The following SLC8A1 variants were observed in gnomAD, a reference collection of about 807,000 sequenced individuals.
SLC8A1 encodes sodium/calcium exchanger 1.
SLC8A1 carries 18 observed loss-of-function variants against 68.3 expected under a neutral mutation model. That is an observed-to-expected ratio of 0.26 (90% CI 0.18 to 0.39). The LOEUF (loss-of-function observed/expected upper bound fraction) is 0.39, where lower values mean the gene tolerates loss of function less well. Among genes scored for constraint, SLC8A1 ranks in the 10% least tolerant of loss-of-function variants. SLC8A1 has a pLI of 1.00. For synonymous variants in SLC8A1, 475 were observed against 415.5 expected, an observed-to-expected ratio of 1.14 and a Z score of -1.74; for missense variants, 985 against 1,156.7, an observed-to-expected ratio of 0.85 and a Z score of 2.15.
chr2:40,264,501 C>T (rs1457361248), intron 2 of SLC8A1, among the ~76,000 whole-genome samples: 1 of 152,058 alleles, frequency 6.6e-6, no homozygotes, highest in Non-Finnish European at 1.5e-5. Flanking sequence ...ACATATACAC[C>T]ATGGAATACT....
intron 2 of SLC8A1, among the ~76,000 whole-genome samples, chr2:40,181,271 C>A (rs2049498724): frequency 6.6e-6 from 1 of 152,154 alleles, no homozygotes; most frequent in Admixed American, 6.6e-5. Flanking sequence ...ATTTTCTATA[C>A]TCTAAGTAGC....
At chr2:40,455,541 A>C (rs1702948406), upstream of SLC8A1, among the ~76,000 whole-genome samples, 1 of 138,858 alleles carries the variant, frequency 7.2e-6, no homozygotes, top group African/African-American at 2.7e-5. Context: ...ATTTCTACAT[A>C]AGAAAATGTT....
intron 2 of SLC8A1, among the ~76,000 whole-genome samples, chr2:40,389,700 A>G (rs920423001): frequency 1.3e-5 from 2 of 151,798 alleles, no homozygotes; most frequent in African/African-American, 4.8e-5. Flanking sequence ...TTCCCATGTC[A>G]GTTGTGGGTC....
chr2:40,378,589 C>T (rs10189731), intron 2 of SLC8A1, among the ~76,000 whole-genome samples: 151,665 of 152,220 alleles, frequency 1, 75,560 homozygotes, highest in Middle Eastern at 1. Flanking sequence ...TTGGGAGTTT[C>T]AAACTAGAAC....
chr2:40,433,942 A>G (rs1218246438), intron 1 of SLC8A1, among the ~76,000 whole-genome samples: 1 of 152,166 alleles, frequency 6.6e-6, no homozygotes, highest in African/African-American at 2.4e-5. Context: ...CAAACAGACA[A>G]GCATCAATAA....
chr2:40,232,923 T>C (rs960429438), intron 2 of SLC8A1, among the ~76,000 whole-genome samples: 1 of 150,720 alleles, frequency 6.6e-6, no homozygotes, highest in African/African-American at 2.4e-5. Flanking sequence ...ACAAAGGACA[T>C]GAACTCATCC....
Position 40,499,349 on chromosome 2 carries a change from G to A in SLC8A1, c.-25+13000C>T, listed in dbSNP as rs57318597. ...CTCATTTTCCTCATCTAAAAATGAG[G>A]ATGATAATAGGATCCAGCTCATAAG... On this transcript the variant is annotated intron_variant, in intron 1 of 7. Coordinates refer to the SLC8A1 transcript ENST00000402441. 8.0e-3 allele frequency among the ~76,000 whole-genome samples: 1,218 copies of A among 152,078 alleles called. 21 individuals carry two copies. Among genetic ancestry groups the A allele is most frequent in the African/African-American group, 0.028 (1,159 of 41,502 alleles).
chr2:40,219,800 G>T (rs2058046135), intron 2 of SLC8A1, among the ~76,000 whole-genome samples: 2 of 91,928 alleles, frequency 2.2e-5, no homozygotes, highest in Non-Finnish European at 5.5e-5. Context: ...TGATGAGAGA[G>T]ATGTGCTTTG....
upstream of SLC8A1, among the ~76,000 whole-genome samples, chr2:40,455,344 ACT>A (rs745952295): frequency 2.7e-4 from 41 of 152,232 alleles, 1 homozygote; most frequent in Admixed American, 5.9e-4. Flanking sequence ...CAAGCACAAT[ACT>A]CTGTTTAAAT....
intron 2 of SLC8A1, among the ~76,000 whole-genome samples, chr2:40,401,237 T>G (rs1170316697): frequency 1.3e-5 from 2 of 152,184 alleles, no homozygotes; most frequent in Non-Finnish European, 2.9e-5. Context: ...CCATCTACTT[T>G]CAGAACCCTA....
Position 40,435,390 on chromosome 2 carries a change from T to C in SLC8A1, c.-24-5086A>G, listed in dbSNP as rs375497785. 1.1e-4 allele frequency among the ~76,000 whole-genome samples: 16 copies of C among 149,814 alleles called. No homozygotes were observed. In the East Asian group the frequency reaches 2.0e-3, roughly 19 times the overall value. On this transcript the variant is annotated intron_variant, in intron 1 of 7. Coordinates refer to ENST00000406785, the Ensembl canonical transcript of SLC8A1. ...CTGCCCTGGCTCCAGCCTCAGGCTATCAGACCATGGCCAGATTTCAGGAAA... is the reference window on the plus strand; with the variant it reads ...CTGCCCTGGCTCCAGCCTCAGGCTACCAGACCATGGCCAGATTTCAGGAAA...
At chr2:40,173,410 G>C (rs1046995815) in intron 4 of SLC8A1, among the ~76,000 whole-genome samples, 1 of 152,182 alleles carries the variant, frequency 6.6e-6, no homozygotes, top group Non-Finnish European at 1.5e-5. Flanking sequence ...CCAACACAAA[G>C]ACTTGTCCTG....
intron 1 of SLC8A1, among the ~76,000 whole-genome samples, chr2:40,499,747 T>G (rs1232401346): frequency 6.6e-6 from 1 of 152,046 alleles, no homozygotes; most frequent in Non-Finnish European, 1.5e-5. Flanking sequence ...CATCTTCTAG[T>G]CTTCATACTT....
At chr2:40,145,600 C>G (rs2042316465) in intron 6 of SLC8A1, among the ~76,000 whole-genome samples, 1 of 152,180 alleles carries the variant, frequency 6.6e-6, no homozygotes. Context: ...TTACATATTT[C>G]TGTTTCTCTT....
intron 1 of SLC8A1, among the ~76,000 whole-genome samples, chr2:40,501,216 C>G (rs1272481626): frequency 1.3e-5 from 2 of 152,090 alleles, no homozygotes; most frequent in Non-Finnish European, 1.5e-5. Flanking sequence ...TTTTCTCTAT[C>G]CTTCTCTATC....
intron 2 of SLC8A1, among the ~76,000 whole-genome samples, chr2:40,253,095 A>ACATG (rs1558967967): frequency 9.2e-6 from 1 of 109,176 alleles, no homozygotes; most frequent in Admixed American, 1.1e-4. Flanking sequence ...TGTATATAGT[A>ACATG]TATATACATA....
At chr2:40,409,769 C>A (rs1691517659) in intron 2 of SLC8A1, among the ~76,000 whole-genome samples, 1 of 152,112 alleles carries the variant, frequency 6.6e-6, no homozygotes, top group African/African-American at 2.4e-5. Flanking sequence ...CATCATCCAC[C>A]ATTATCCATC....
intron 2 of SLC8A1, among the ~76,000 whole-genome samples, chr2:40,267,973 C>T (rs960940232): frequency 3.2e-4 from 48 of 152,044 alleles, no homozygotes; most frequent in African/African-American, 1.1e-3. Context: ...ACTTATCTCT[C>T]GGACAGTGGG....
At chr2:40,343,491 T>A (rs1018955339) in intron 2 of SLC8A1, among the ~76,000 whole-genome samples, 2 of 152,204 alleles carry the variant, frequency 1.3e-5, no homozygotes, top group Non-Finnish European at 2.9e-5. Context: ...TTACTATTTG[T>A]AAGGCACTGT....
Sources: allele counts gnomAD v4.1 joint callset (sites outside exome capture counted in the v4.1 genomes callset), GRCh38; gene constraint gnomAD v4.1.1; transcripts MANE v1.5; gene names NCBI Gene and HGNC (gene_info 2026-07-23, HGNC 2026-07-21).